Variants in MAF observed in about 807,000 individuals in gnomAD.
The protein encoded by MAF is MAF bZIP transcription factor.
Under a neutral mutation model 22.0 loss-of-function variants are expected in MAF, and 10 were observed. That is an observed-to-expected ratio of 0.45 (90% confidence interval 0.28 to 0.77). The LOEUF is 0.77. Ranked by LOEUF, MAF falls within the 30% of genes least tolerant of loss-of-function variation. The pLI is 0.12. For missense variants in MAF, 544 were observed against 548.4 expected (o/e 0.99, Z 0.08); for synonymous variants, 337 against 255.8 (o/e 1.32, Z -3.03).
At chr16:79,281,546 C>CT in the MAF span, among the ~76,000 whole-genome samples, 26,190 of 115,476 alleles carry the variant, frequency 0.23, 4,164 homozygotes, top group East Asian at 0.58. Context: ...TCTTTGAAGA[C>CT]TTTTTTTTTT....
chr16:79,471,766 T>C, the MAF span, among the ~76,000 whole-genome samples: 1 of 152,316 alleles, frequency 6.6e-6, no homozygotes, highest in East Asian at 1.9e-4. Flanking sequence ...AGCTGATAAG[T>C]GGTCATGTCA....
chr16:79,556,347 G>A, the MAF span, among the ~76,000 whole-genome samples: 15 of 152,100 alleles, frequency 9.9e-5, no homozygotes, highest in Non-Finnish European at 4.4e-5. Context: ...CTTAGCTCAA[G>A]CTCCCTCCTC....
At chr16:79,548,471 T>C in the MAF span, among the ~76,000 whole-genome samples, 3 of 152,184 alleles carry the variant, frequency 2.0e-5, no homozygotes. Context: ...GAGAAACACA[T>C]TGGTTAGTTG....
At chr16:79,478,444 C>T in the MAF span, among the ~76,000 whole-genome samples, 1 of 152,140 alleles carries the variant, frequency 6.6e-6, no homozygotes, top group Non-Finnish European at 1.5e-5. Flanking sequence ...CCATGGCTAC[C>T]GGGTTCCAAC....
the MAF span, among the ~76,000 whole-genome samples, chr16:79,317,274 CTCCT>C: frequency 9.3e-3 from 1,270 of 136,238 alleles, 18 homozygotes; most frequent in African/African-American, 0.031. Context: ...CCTTCCCTCC[CTCCT>C]TCCTTCCTTC....
the MAF span, among the ~76,000 whole-genome samples, chr16:79,284,380 C>T: frequency 6.6e-6 from 1 of 152,164 alleles, no homozygotes; most frequent in African/African-American, 2.4e-5. Flanking sequence ...CAACATCACC[C>T]CTTAGAGGGT....
the MAF span, among the ~76,000 whole-genome samples, chr16:79,528,665 A>AG: frequency 6.6e-6 from 1 of 152,156 alleles, no homozygotes. Flanking sequence ...GGAGAAAAAA[A>AG]AAAAAAGAAA....
downstream of MAF, among the ~76,000 whole-genome samples, chr16:79,592,854 C>G (rs1367874036): frequency 6.6e-6 from 1 of 152,130 alleles, no homozygotes; most frequent in Non-Finnish European, 1.5e-5. Flanking sequence ...TTTCAAAAAT[C>G]AAATGACAGT....
At chr16:79,211,429 T>TAGTC in the MAF span, among the ~76,000 whole-genome samples, 1 of 152,218 alleles carries the variant, frequency 6.6e-6, no homozygotes, top group East Asian at 1.9e-4. Flanking sequence ...TTTTCCAGGA[T>TAGTC]AGTCACATTA....
At chr16:79,329,021 G>A in the MAF span, among the ~76,000 whole-genome samples, 1 of 151,630 alleles carries the variant, frequency 6.6e-6, no homozygotes, top group Non-Finnish European at 1.5e-5. Flanking sequence ...TGTTTTGCAA[G>A]CTGTATCTTT....
chr16:79,557,045 C>A, the MAF span, among the ~76,000 whole-genome samples: 1 of 150,998 alleles, frequency 6.6e-6, no homozygotes, highest in Non-Finnish European at 1.5e-5. Flanking sequence ...CTTAAACTCC[C>A]AGGCTCAAGT....
At chr16:79,412,665 G>C in the MAF span, among the ~76,000 whole-genome samples, 14 of 152,292 alleles carry the variant, frequency 9.2e-5, no homozygotes, top group South Asian at 2.7e-3. Context: ...GGTTTTCTCA[G>C]CTATAAAATG....
At chr16:79,463,000 A>G in the MAF span, among the ~76,000 whole-genome samples, 2 of 152,210 alleles carry the variant, frequency 1.3e-5, no homozygotes, top group African/African-American at 2.4e-5. Context: ...CAGGGTGCTC[A>G]GAGAAGGCCC....
At chr16:79,558,812 G>A in the MAF span, among the ~76,000 whole-genome samples, 2 of 152,180 alleles carry the variant, frequency 1.3e-5, no homozygotes, top group Non-Finnish European at 1.5e-5. Context: ...AGGATCTTTA[G>A]CCTAGTTCTC....
At chr16:79,520,042 T>C in the MAF span, among the ~76,000 whole-genome samples, 1 of 152,222 alleles carries the variant, frequency 6.6e-6, no homozygotes, top group Non-Finnish European at 1.5e-5. Context: ...AAGCGTGTGC[T>C]GACACACGTT....
At chr16:79,329,934 T>C in the MAF span, among the ~76,000 whole-genome samples, 7 of 151,456 alleles carry the variant, frequency 4.6e-5, no homozygotes, top group Admixed American at 3.3e-4. Context: ...AGACACACCA[T>C]ACAATAAACA....
chr16:79,456,365 G>C, the MAF span, among the ~76,000 whole-genome samples: 48 of 152,282 alleles, frequency 3.2e-4, no homozygotes, highest in South Asian at 9.8e-3. Flanking sequence ...TGTCAGACCA[G>C]TGTTTTATGG....
chr16:79,415,789 T>C, the MAF span, among the ~76,000 whole-genome samples: 3 of 151,924 alleles, frequency 2.0e-5, no homozygotes, highest in African/African-American at 7.3e-5. Context: ...TTGGGGCTAG[T>C]TATTAAAAAT....
At chr16:79,208,159 A>G in the MAF span, among the ~76,000 whole-genome samples, 1 of 152,194 alleles carries the variant, frequency 6.6e-6, no homozygotes, top group African/African-American at 2.4e-5. Context: ...TACTCTCAAG[A>G]TTGATTGCAC....
Sources: allele counts gnomAD v4.1 joint callset (sites outside exome capture counted in the v4.1 genomes callset), GRCh38; gene constraint gnomAD v4.1.1; transcripts MANE v1.5; gene names NCBI Gene and HGNC (gene_info 2026-07-23, HGNC 2026-07-21).